SLC5A11: variants seen among roughly 807,000 people sequenced by gnomAD.
The protein encoded by SLC5A11 is solute carrier family 5 member 11.
SLC5A11 carries 48 observed loss-of-function variants against 69.8 expected under a neutral mutation model. The observed-to-expected ratio is 0.69, with a 90% CI of 0.55 to 0.87. The LOEUF (loss-of-function observed/expected upper bound fraction) is 0.87. Ranked by LOEUF, SLC5A11 falls within the 40% of genes least tolerant of loss-of-function variation. The pLI is 0.00. For synonymous variants in SLC5A11, 319 were observed against 342.4 expected (o/e 0.93, Z 0.75); for missense variants, 784 against 866.1 (o/e 0.91, Z 1.19).
At chr16:24,860,484 A>G (rs923237967) in intron 2 of SLC5A11, among the ~76,000 whole-genome samples, 1 of 149,508 alleles carries the variant, frequency 6.7e-6, no homozygotes, top group South Asian at 2.1e-4. Flanking sequence ...TAAACTCTGT[A>G]CACTGTTTGG....
chr16:24,889,583 C>A (rs563199900), intron 8 of SLC5A11, among the ~76,000 whole-genome samples: 1 of 114,524 alleles, frequency 8.7e-6, no homozygotes, highest in African/African-American at 3.4e-5. Flanking sequence ...GATGGAGTCT[C>A]GCTCTGTCAC....
At chr16:24,893,183 G>A (rs1424530880) in intron 9 of SLC5A11, among the ~76,000 whole-genome samples, 4 of 150,498 alleles carry the variant, frequency 2.7e-5, no homozygotes, top group Non-Finnish European at 2.9e-5. Flanking sequence ...AGCTACTCAG[G>A]AGGCTGAGGC....
chr16:24,875,564 G>GA, intron 5 of SLC5A11, 63 bp from the exon 7 acceptor site: 1 of 1,306,928 alleles, frequency 7.7e-7, no homozygotes, highest in South Asian at 1.3e-5. Flanking sequence ...AAGGGCTTGT[G>GA]TGGGGGGGTC....
intron 4 of SLC5A11, among the ~76,000 whole-genome samples, chr16:24,871,142 T>C (rs1334471857): frequency 1.3e-5 from 2 of 152,204 alleles, no homozygotes; most frequent in African/African-American, 4.8e-5. Flanking sequence ...TATCACATTA[T>C]AGGATTCATT....
chr16:24,856,219 A>G (rs573288117), intron 1 of SLC5A11, among the ~76,000 whole-genome samples: 7 of 152,244 alleles, frequency 4.6e-5, no homozygotes, highest in African/African-American at 1.7e-4. Flanking sequence ...TGCCCACGCA[A>G]TAAAGATTTT....
intron 1 of SLC5A11, among the ~76,000 whole-genome samples, chr16:24,847,336 A>T (rs2431775): frequency 9.4e-5 from 14 of 148,400 alleles, no homozygotes; most frequent in African/African-American, 2.2e-4. Context: ...TTTATTATTT[A>T]TTTCTTCCTT....
chr16:24,905,960 TTG>T (rs2050027596), intron 10 of SLC5A11, among the ~76,000 whole-genome samples: 1 of 152,126 alleles, frequency 6.6e-6, no homozygotes, highest in South Asian at 2.1e-4. Flanking sequence ...GAAGAAGGTT[TTG>T]TGCTATGTTT....
intron 3 of SLC5A11, among the ~76,000 whole-genome samples, chr16:24,868,273 T>C (rs2047036657): frequency 6.8e-6 from 1 of 148,068 alleles, no homozygotes; most frequent in African/African-American, 2.5e-5. Flanking sequence ...ACACAAATGC[T>C]TTACAGATTC....
chr16:24,860,135 A>C (rs887537223), intron 2 of SLC5A11, among the ~76,000 whole-genome samples: 1 of 152,138 alleles, frequency 6.6e-6, no homozygotes, highest in Non-Finnish European at 1.5e-5. Flanking sequence ...AAAATACAAA[A>C]AATTAGCCAG....
At chr16:24,880,370 C>T (rs555109338) in intron 7 of SLC5A11, among the ~76,000 whole-genome samples, 3 of 152,128 alleles carry the variant, frequency 2.0e-5, no homozygotes, top group South Asian at 2.1e-4. Context: ...TGGAGACTTA[C>T]TCTTTCATGG....
chr16:24,903,277 T>G (rs370115267), intron 10 of SLC5A11, among the ~76,000 whole-genome samples: 6 of 152,268 alleles, frequency 3.9e-5, no homozygotes, highest in African/African-American at 1.4e-4. Context: ...TTTGATACAT[T>G]ATACAATGTG....
chr16:24,852,272 T>G (rs2059347168), intron 1 of SLC5A11, among the ~76,000 whole-genome samples: 1 of 152,158 alleles, frequency 6.6e-6, no homozygotes, highest in South Asian at 2.1e-4. Flanking sequence ...CCCACACCTG[T>G]GACCTGGGAA....
At chr16:24,893,116 CAAAAAAAAA>C (rs58331547) in intron 9 of SLC5A11, among the ~76,000 whole-genome samples, 2 of 99,094 alleles carry the variant, frequency 2.0e-5, no homozygotes, top group African/African-American at 9.9e-5. Flanking sequence ...ACTAAAAATA[CAAAAAAAAA>C]AAAAAAAAAA....
intron 1 of SLC5A11, among the ~76,000 whole-genome samples, chr16:24,849,593 A>AAAAAAAAAAAAAATATAT: frequency 5.6e-5 from 2 of 35,908 alleles, no homozygotes; most frequent in African/African-American, 1.8e-4. Context: ...AAAAAAAAAA[A>AAAAAAAAAAAAAATATAT]ATATATATAT....
At chr16:24,871,215 G>A (rs956481599) in intron 4 of SLC5A11, among the ~76,000 whole-genome samples, 1 of 152,138 alleles carries the variant, frequency 6.6e-6, no homozygotes, top group African/African-American at 2.4e-5. Flanking sequence ...AACTTCAGCA[G>A]CAAGTTGCTT....
intron 10 of SLC5A11, among the ~76,000 whole-genome samples, chr16:24,904,132 A>G (rs879477293): frequency 6.6e-6 from 1 of 152,120 alleles, no homozygotes; most frequent in Non-Finnish European, 1.5e-5. Flanking sequence ...CACAAGGGGG[A>G]ACCACCCCCA....
In SLC5A11 at chr16:24,910,322, G is replaced by A. The variant is rs2050415491; in HGVS notation, c.1667G>A (p.Trp556Ter). Residue 556 changes from tryptophan (W) to a stop codon, truncating the protein, a stop_gained, in exon 15 of 16, where the codon TGG (tryptophan) becomes TAG (stop). Transcript: ENST00000347898. LOFTEE classifies it high-confidence loss of function. ...GCTCCTTAGGTCAGCCACCTGACCT[G>A]GTTTACTCGTCACGACCCCGTGGTC... The A allele has an allele frequency of 1.9e-6, 3 of 1,614,030 alleles. No individual in the cohort carries two copies. The highest frequency in any genetic ancestry group is 2.5e-6 in the Non-Finnish European group (3 of 1,180,004).
At chr16:24,879,338 T>C (rs1597133960) in intron 7 of SLC5A11, among the ~76,000 whole-genome samples, 1 of 152,136 alleles carries the variant, frequency 6.6e-6, no homozygotes, top group Non-Finnish European at 1.5e-5. Flanking sequence ...ACCCAATGGG[T>C]AGTTTTTCAA....
intron 7 of SLC5A11, among the ~76,000 whole-genome samples, chr16:24,881,731 C>T (rs1031399635): frequency 6.6e-6 from 1 of 152,128 alleles, no homozygotes; most frequent in African/African-American, 2.4e-5. Context: ...GAGATGAGAA[C>T]CTGCTTGAGC....
Sources: gnomAD v4.1 joint callset for allele counts (sites outside exome capture counted in the v4.1 genomes callset) on GRCh38, gnomAD v4.1.1 for gene constraint, MANE v1.5 for transcripts, NCBI Gene and HGNC (gene_info 2026-07-23, HGNC 2026-07-21) for gene names.